The following SLC31A1 variants were observed in gnomAD, a reference collection of about 807,000 sequenced individuals.
SLC31A1 encodes solute carrier family 31 member 1.
A neutral mutation model predicts 17.2 loss-of-function variants in SLC31A1; 5 were observed. That is an observed-to-expected ratio of 0.29 (90% confidence interval 0.15 to 0.61). The LOEUF (loss-of-function observed/expected upper bound fraction) is 0.61. SLC31A1 is among the 20% of genes least tolerant of loss of function. The pLI, the probability that SLC31A1 is intolerant of heterozygous loss-of-function variation, is 0.86. For missense variants in SLC31A1, 161 were observed against 241.4 expected (o/e 0.67, Z 2.21); for synonymous variants, 76 against 78.8 (o/e 0.96, Z 0.19).
chr9:113,244,857 A>G (rs1287096635), intron 1 of SLC31A1, among the ~76,000 whole-genome samples: 1 of 152,242 alleles, frequency 6.6e-6, no homozygotes, highest in African/African-American at 2.4e-5. Flanking sequence ...GACTGCTGTC[A>G]CTTGACAGAC....
chr9:113,232,156 A>C (rs950253375), intron 1 of SLC31A1, among the ~76,000 whole-genome samples: 13 of 152,236 alleles, frequency 8.5e-5, no homozygotes, highest in African/African-American at 3.1e-4. Flanking sequence ...TGTTTTTAGC[A>C]ATACCACAGA....
intron 1 of SLC31A1, among the ~76,000 whole-genome samples, chr9:113,235,223 T>C (rs1254068347): frequency 6.6e-6 from 1 of 152,134 alleles, no homozygotes; most frequent in Non-Finnish European, 1.5e-5. Flanking sequence ...CCAATACATG[T>C]ATGAAAAAGT....
chr9:113,250,125 C>A, intron 1 of SLC31A1, among the ~76,000 whole-genome samples: 1 of 146,924 alleles, frequency 6.8e-6, no homozygotes, highest in Non-Finnish European at 1.5e-5. Context: ...TGTGGCGATT[C>A]CTCAGGGATC....
intron 1 of SLC31A1, among the ~76,000 whole-genome samples, chr9:113,239,315 G>T (rs1400059304): frequency 1.3e-5 from 2 of 152,082 alleles, no homozygotes; most frequent in African/African-American, 2.4e-5. Context: ...ACTAATTCTT[G>T]TAGAATAGTC....
At chr9:113,250,490 G>GAACATGAGA (rs1831636769) in intron 1 of SLC31A1, among the ~76,000 whole-genome samples, 2 of 144,806 alleles carry the variant, frequency 1.4e-5, no homozygotes, top group Admixed American at 7.0e-5. Context: ...AGAACACATG[G>GAACATGAGA]ACACAGGAAG....
In SLC31A1 at chr9:113,262,835, C is replaced by T. The variant is rs1447059518; in HGVS notation, c.*2362C>T. The T allele has an allele frequency of 6.6e-6, 1 of 152,656 alleles. No individual in the cohort carries two copies. The highest frequency in any genetic ancestry group is 1.5e-5 in the Non-Finnish European group (1 of 68,048). 9.5% of individuals were successfully genotyped at this position (152,656 alleles called of 1,614,324 possible). A position where few individuals can be genotyped will look rare whatever the true frequency, so the allele number is the denominator to read the frequency against. Reference sequence around the variant, plus strand: ...TCTCTAGAAATCTCAGCATGAGCTGCTATAGAATACCCTCCCAGCAACAAA... The same window carrying T: ...TCTCTAGAAATCTCAGCATGAGCTGTTATAGAATACCCTCCCAGCAACAAA... On this transcript the variant is annotated 3_prime_UTR_variant, in exon 5 of 5. Coordinates refer to ENST00000374212, the MANE Select transcript of SLC31A1 (RefSeq NM_001859.4).
intron 3 of SLC31A1, among the ~76,000 whole-genome samples, chr9:113,257,478 A>ATTTTTTTT (rs532189321): frequency 4.0e-5 from 4 of 101,182 alleles, no homozygotes; most frequent in Non-Finnish European, 7.5e-5. Context: ...AGAGTGTTTA[A>ATTTTTTTT]TTTTTTTTTT....
chr9:113,249,795 T>C (rs1270433731), intron 1 of SLC31A1, among the ~76,000 whole-genome samples: 3 of 151,660 alleles, frequency 2.0e-5, no homozygotes, highest in Non-Finnish European at 4.4e-5. Flanking sequence ...AGGGCTAATA[T>C]CCAGAATCTA....
chr9:113,237,367 T>C (rs1474638261), intron 1 of SLC31A1, among the ~76,000 whole-genome samples: 1 of 152,186 alleles, frequency 6.6e-6, no homozygotes, highest in African/African-American at 2.4e-5. Context: ...TAGCTTGACA[T>C]TGGTTTACCC....
At chr9:113,254,036 C>T (rs1831692585) in intron 1 of SLC31A1, among the ~76,000 whole-genome samples, 1 of 137,562 alleles carries the variant, frequency 7.3e-6, no homozygotes, top group Non-Finnish European at 1.5e-5. Flanking sequence ...CTCACTGAAA[C>T]CTCCACCTCC....
chr9:113,233,569 TAG>T (rs1369562210), intron 1 of SLC31A1, among the ~76,000 whole-genome samples: 5 of 152,240 alleles, frequency 3.3e-5, no homozygotes, highest in Non-Finnish European at 4.4e-5. Context: ...CTCTGGGATT[TAG>T]AGATTTTACT....
Position 113,260,610 on chromosome 9 carries a change from CA to C in SLC31A1, c.*138del. The C allele has an allele frequency of 5.4e-6, 4 of 737,764 alleles. No homozygotes were observed. Among genetic ancestry groups the C allele is most frequent in the East Asian group, 2.7e-5 (1 of 37,260 alleles). The allele number at this position is 737,764 out of a possible 1,614,324, so 45.7% of individuals were successfully genotyped here. On this transcript the variant is annotated 3_prime_UTR_variant, in exon 5 of 5. Transcript: ENST00000374212. Reference sequence around the variant, plus strand: ...ACACACACACACACACACACACACACACCCCTGCTCAACAGAGGTTTAGTTT... The same window carrying C: ...ACACACACACACACACACACACACACCCCCTGCTCAACAGAGGTTTAGTTT...
At chr9:113,240,946 A>G (rs2118997219) in intron 1 of SLC31A1, among the ~76,000 whole-genome samples, 1 of 150,994 alleles carries the variant, frequency 6.6e-6, no homozygotes, top group Middle Eastern at 3.4e-3. Context: ...GCTACTCTGG[A>G]GGCTGAGGCA....
At chr9:113,256,848 G>A (rs10817472) in intron 2 of SLC31A1, among the ~76,000 whole-genome samples, 11,391 of 145,814 alleles carry the variant, frequency 0.078, 549 homozygotes, top group South Asian at 0.14. Context: ...GCTACAGAGC[G>A]AGAATCCGTA....
rs1160199750 is a variant in SLC31A1 at position 113,264,212 on chromosome 9, G to C, written c.*3739G>C. 1.3e-5 allele frequency: 2 copies of C among 152,132 alleles called. No homozygotes were observed. Among genetic ancestry groups the C allele is most frequent in the Non-Finnish European group, 2.9e-5 (2 of 68,062 alleles). 9.4% of individuals were successfully genotyped at this position (152,132 alleles called of 1,614,324 possible). On this transcript the variant is annotated 3_prime_UTR_variant, in exon 5 of 5. Transcript: ENST00000374212. Reference sequence around the variant, plus strand: ...GCCTGTAATCCCAGCTACTCGGGAGGCTGAGGCAGGAGAATCGCTTGAACC... The same window carrying C: ...GCCTGTAATCCCAGCTACTCGGGAGCCTGAGGCAGGAGAATCGCTTGAACC...
chr9:113,247,359 T>G (rs1351950338), intron 1 of SLC31A1, among the ~76,000 whole-genome samples: 1 of 152,218 alleles, frequency 6.6e-6, no homozygotes, highest in African/African-American at 2.4e-5. Context: ...TATATCTGTC[T>G]GAGCTAGAGA....
At chr9:113,248,595 A>C (rs1371024175) in intron 1 of SLC31A1, among the ~76,000 whole-genome samples, 2 of 148,862 alleles carry the variant, frequency 1.3e-5, no homozygotes, top group East Asian at 2.0e-4. Flanking sequence ...CAGCCTCCCA[A>C]GTAGCTAGGA....
intron 1 of SLC31A1, among the ~76,000 whole-genome samples, chr9:113,253,198 G>A (rs1026631690): frequency 1.3e-5 from 2 of 151,956 alleles, no homozygotes; most frequent in Admixed American, 6.6e-5. Context: ...CTCGTGATCC[G>A]CCTGCCTCGG....
At chr9:113,256,076 A>G in intron 1 of SLC31A1, 38 bp from the exon 2 acceptor site, 1 of 1,403,086 alleles carries the variant, frequency 7.1e-7, no homozygotes, top group Non-Finnish European at 9.7e-7. Flanking sequence ...AGATTTTTAT[A>G]TCCTTAAATT....
Sources: allele counts gnomAD v4.1 joint callset (sites outside exome capture counted in the v4.1 genomes callset), GRCh38; gene constraint gnomAD v4.1.1; transcripts MANE v1.5; gene names NCBI Gene and HGNC (gene_info 2026-07-23, HGNC 2026-07-21).